TRAPPC12: variants seen among roughly 807,000 people sequenced by gnomAD.
The protein encoded by TRAPPC12 is TPR repeat protein 15.
A neutral mutation model predicts 69.2 loss-of-function variants in TRAPPC12; 61 were observed. The ratio of observed to expected loss-of-function variants is 0.88; its 90% CI spans 0.72 to 1.09. TRAPPC12 has a LOEUF of 1.09. Ranked by LOEUF, TRAPPC12 falls within the 50% of genes least tolerant of loss-of-function variation. The pLI is 0.00. For synonymous variants in TRAPPC12, 469 were observed against 438.9 expected, an observed-to-expected ratio of 1.07 and a Z score of -0.86; for missense variants, 1,101 against 1,016.4, an observed-to-expected ratio of 1.08 and a Z score of -1.13.
Position 3,422,012 on chromosome 2 carries a change from G to T in TRAPPC12, c.1278+18G>T. 3 of 1,591,758 alleles carry T rather than the reference G, an allele frequency of 1.9e-6. No individual in the cohort carries two copies. The highest frequency in any genetic ancestry group is 1.7e-6 in the Non-Finnish European group (2 of 1,165,956). On this transcript the variant is annotated intron_variant, in intron 4 of 11. Coordinates refer to ENST00000324266, the MANE Select transcript of TRAPPC12 (RefSeq NM_016030.6). ...CACTGCAGGTGAGAACACCTTTCAG[G>T]TGCTGGAGTTTAACCTGGCTTATCA... is the stretch of plus-strand genomic sequence containing the variant.
At chr2:3,399,864 G>C (rs1440345144) in intron 2 of TRAPPC12, among the ~76,000 whole-genome samples, 1 of 147,346 alleles carries the variant, frequency 6.8e-6, no homozygotes, top group Non-Finnish European at 1.5e-5. Context: ...AATAGGAAGA[G>C]ATCTGAGCCA....
chr2:3,409,624 C>T (rs1464462012), intron 3 of TRAPPC12, among the ~76,000 whole-genome samples: 4 of 151,878 alleles, frequency 2.6e-5, no homozygotes, highest in South Asian at 2.1e-4. Context: ...GTGGCACGCA[C>T]CTGTAGTCCC....
At chr2:3,444,031 C>G in intron 6 of TRAPPC12, 140 bp downstream of exon 6, 1 of 635,046 alleles carries the variant, frequency 1.6e-6, no homozygotes, top group South Asian at 1.9e-5. Flanking sequence ...CTAGGTGACC[C>G]GGTTTGTGTG....
rs547496454 is a variant in TRAPPC12, at chr2:3,465,707, C to A, written c.1776+12C>A. 2 of 1,597,902 alleles carry A rather than the reference C, an allele frequency of 1.3e-6. No individual in the cohort carries two copies. The highest frequency in any genetic ancestry group is 1.7e-6 in the Non-Finnish European group (2 of 1,165,380). ...GGATTTCCCTGCAGGTACCTGTGCACGGTCAGACATGAGCCAGAAAGGCCT... is the reference window on the plus strand; with the variant it reads ...GGATTTCCCTGCAGGTACCTGTGCAAGGTCAGACATGAGCCAGAAAGGCCT... On this transcript the variant is annotated intron_variant, in intron 9 of 11. Coordinates refer to ENST00000324266, the MANE Select transcript of TRAPPC12 (RefSeq NM_016030.6).
chr2:3,399,549 G>A (rs1465289030), intron 2 of TRAPPC12, among the ~76,000 whole-genome samples: 1 of 152,156 alleles, frequency 6.6e-6, no homozygotes, highest in Non-Finnish European at 1.5e-5. Context: ...GCCTCTGCGA[G>A]CACCAGGTTT....
intron 6 of TRAPPC12, among the ~76,000 whole-genome samples, chr2:3,447,389 C>T (rs567353373): frequency 3.7e-4 from 57 of 152,272 alleles, no homozygotes; most frequent in South Asian, 2.1e-4. Flanking sequence ...TGAGCCACTG[C>T]GCCTGGCCAG....
chr2:3,416,563 C>T (rs1433210375), intron 3 of TRAPPC12, among the ~76,000 whole-genome samples: 30 of 92,784 alleles, frequency 3.2e-4, no homozygotes, highest in Non-Finnish European at 4.2e-4. Context: ...CTGTGCCCTC[C>T]CCCTGCCCCT....
intron 3 of TRAPPC12, among the ~76,000 whole-genome samples, chr2:3,415,285 A>G (rs1455353485): frequency 6.6e-6 from 1 of 152,246 alleles, no homozygotes; most frequent in African/African-American, 2.4e-5. Context: ...TTTATAAAGC[A>G]GGCCTTGTGT....
At chr2:3,389,746 C>G in intron 2 of TRAPPC12, 2 of 470,992 alleles carry the variant, frequency 4.2e-6, no homozygotes, top group Non-Finnish European at 4.4e-6. Flanking sequence ...TGTCCTGCCT[C>G]CAAGAAGAAC....
chr2:3,415,689 C>G (rs1194607384), intron 3 of TRAPPC12, among the ~76,000 whole-genome samples: 1 of 150,680 alleles, frequency 6.6e-6, no homozygotes, highest in Non-Finnish European at 1.5e-5. Context: ...CAGAAGTGAG[C>G]CATCGTGCCT....
intron 1 of TRAPPC12, among the ~76,000 whole-genome samples, chr2:3,386,756 A>C (rs1660511905): frequency 6.6e-6 from 1 of 152,136 alleles, no homozygotes; most frequent in Non-Finnish European, 1.5e-5. Context: ...ACTATTACAA[A>C]TTGAAGAGTC....
intron 2 of TRAPPC12, among the ~76,000 whole-genome samples, chr2:3,394,542 A>G (rs1018426065): frequency 1.3e-5 from 2 of 151,724 alleles, no homozygotes; most frequent in African/African-American, 4.8e-5. Context: ...AATCACGTGA[A>G]CCCAGGAAGC....
rs1660413150 is a variant in TRAPPC12 at position 3,384,652 on chromosome 2, T to G, written c.-4-2968T>G. 2.0e-5 allele frequency among the ~76,000 whole-genome samples: 3 copies of G among 152,360 alleles called. No individual in the cohort carries two copies. In the South Asian group the frequency reaches 6.2e-4, roughly 32 times the overall value. ...TGAGTTTGGTAGAAAATAAATACATTGCTGATTCAGTTAGCTAATATTTCA... is the reference window on the plus strand; with the variant it reads ...TGAGTTTGGTAGAAAATAAATACATGGCTGATTCAGTTAGCTAATATTTCA... On this transcript the variant is annotated intron_variant, in intron 1 of 11. Coordinates refer to ENST00000324266, the MANE Select transcript of TRAPPC12 (RefSeq NM_016030.6).
chr2:3,399,267 G>A (rs1281900728), intron 2 of TRAPPC12, among the ~76,000 whole-genome samples: 6 of 152,304 alleles, frequency 3.9e-5, no homozygotes, highest in African/African-American at 9.6e-5. Flanking sequence ...TTGGCCCTCC[G>A]TCCCTGGCAT....
At chr2:3,404,033 C>T (rs1381473062) in intron 3 of TRAPPC12, among the ~76,000 whole-genome samples, 1 of 152,174 alleles carries the variant, frequency 6.6e-6, no homozygotes, top group Non-Finnish European at 1.5e-5. Context: ...GGTCTTGTGA[C>T]TTCTGTGACA....
intron 5 of TRAPPC12, among the ~76,000 whole-genome samples, chr2:3,426,970 G>T (rs1415659777): frequency 6.6e-6 from 1 of 152,198 alleles, no homozygotes; most frequent in East Asian, 1.9e-4. Context: ...CAATTTGAGG[G>T]TCATCCTTTC....
At chr2:3,435,517 C>A (rs2103081545) in intron 5 of TRAPPC12, among the ~76,000 whole-genome samples, 2 of 152,266 alleles carry the variant, frequency 1.3e-5, no homozygotes, top group East Asian at 3.9e-4. Flanking sequence ...ATATCCTCCC[C>A]ACCTCCCAAA....
chr2:3,418,060 C>A (rs72765393), intron 3 of TRAPPC12, among the ~76,000 whole-genome samples: 559 of 24,986 alleles, frequency 0.022, 23 homozygotes, highest in Non-Finnish European at 0.025. Flanking sequence ...AAAAAAAAAA[C>A]ATTGTCATAG....
At chr2:3,428,086 G>T (rs1663217907) in intron 5 of TRAPPC12, among the ~76,000 whole-genome samples, 1 of 152,298 alleles carries the variant, frequency 6.6e-6, no homozygotes, top group African/African-American at 2.4e-5. Context: ...ATGAAAATCT[G>T]TGGGTTTAGG....
Sources: allele counts gnomAD v4.1 joint callset (sites outside exome capture counted in the v4.1 genomes callset), GRCh38; gene constraint gnomAD v4.1.1; transcripts MANE v1.5; gene names NCBI Gene and HGNC (gene_info 2026-07-23, HGNC 2026-07-21).